The following STK26 variants were observed in gnomAD, a reference collection of about 807,000 sequenced individuals.
The protein encoded by STK26 is serine/threonine-protein kinase 26.
A neutral mutation model predicts 34.7 loss-of-function variants in STK26; 14 were observed. The ratio of observed to expected loss-of-function variants is 0.40; its 90% CI spans 0.27 to 0.63. The LOEUF is 0.63. STK26 is among the 30% of genes least tolerant of loss of function. The pLI is 0.38. For missense variants in STK26, 226 were observed against 309.1 expected (o/e 0.73, Z 2.02); for synonymous variants, 100 against 109.8 (o/e 0.91, Z 0.56).
rs182582615 is a variant in STK26 at position 132,058,208 on chromosome X, C to T, written c.273+3347C>T. 2.2e-3 allele frequency among the ~76,000 whole-genome samples: 247 copies of T among 110,057 alleles called. 1 individual carries two copies. The highest frequency in any genetic ancestry group is 7.8e-3 in the African/African-American group (234 of 30,103). ...TAGTTTTAGGTTCTCCTCCTAATTC[C>T]CATACAATTCCTTGGTGGTACATGT... On this transcript the variant is annotated intron_variant, in intron 3 of 11. Coordinates refer to ENST00000394334, the MANE Select transcript of STK26 (RefSeq NM_016542.4).
At chrX:132,071,714 A>G (rs1015610032) in intron 8 of STK26, among the ~76,000 whole-genome samples, 1 of 112,090 alleles carries the variant, frequency 8.9e-6, no homozygotes, top group Non-Finnish European at 1.9e-5. Flanking sequence ...CAGCGTTTAC[A>G]TTAAAAATTC....
chrX:132,068,650 T>C, intron 6 of STK26, 81 bp downstream of exon 6: 1 of 964,592 alleles, frequency 1.0e-6, no homozygotes, highest in Non-Finnish European at 1.4e-6. Context: ...TACACTGCCT[T>C]ATTTTTCCTT....
chrX:132,069,410 CAT>C (rs57609807), intron 6 of STK26, 66 bp from the exon 7 acceptor site: 4,827 of 92,255 alleles, frequency 0.052, 133 homozygotes, highest in Admixed American at 0.12. Flanking sequence ...CATACATACA[CAT>C]ATATATATAT....
intron 4 of STK26, among the ~76,000 whole-genome samples, chrX:132,067,238 T>C (rs186448955): frequency 2.6e-4 from 29 of 111,652 alleles, no homozygotes; most frequent in Non-Finnish European, 3.0e-4. Context: ...AATATGGCAT[T>C]CATGAAAGAT....
At chrX:132,036,644 A>G (rs1033323191) in intron 2 of STK26, among the ~76,000 whole-genome samples, 3 of 111,612 alleles carry the variant, frequency 2.7e-5, no homozygotes, top group Non-Finnish European at 5.6e-5. Context: ...TAGAATCCCT[A>G]AGCGACTTGC....
chrX:132,032,828 C>T (rs1380421978), intron 2 of STK26, among the ~76,000 whole-genome samples: 1 of 111,312 alleles, frequency 9.0e-6, no homozygotes, highest in African/African-American at 3.3e-5. Flanking sequence ...AATTTCTAAG[C>T]ATGCTAGTGA....
At chrX:132,074,020 T>C in intron 11 of STK26, 115 bp from the exon 12 acceptor site, 4 of 596,344 alleles carry the variant, frequency 6.7e-6, no homozygotes, top group Non-Finnish European at 1.0e-5. Context: ...TAAGATTCAA[T>C]AGAAACAATG....
At chrX:132,051,125 G>T (rs745400517) in intron 2 of STK26, among the ~76,000 whole-genome samples, 1 of 111,852 alleles carries the variant, frequency 8.9e-6, no homozygotes, top group African/African-American at 3.3e-5. Context: ...ATCCAAGAAG[G>T]CTTCTTCTAT....
chrX:132,065,381 G>A (rs1032145758), intron 4 of STK26, among the ~76,000 whole-genome samples: 3 of 111,054 alleles, frequency 2.7e-5, no homozygotes, highest in African/African-American at 9.8e-5. Context: ...GTCTTATCTG[G>A]TTCCTCAGGG....
chrX:132,059,950 C>G (rs1926992915), intron 3 of STK26, among the ~76,000 whole-genome samples: 1 of 111,750 alleles, frequency 8.9e-6, no homozygotes, highest in African/African-American at 3.3e-5. Context: ...TTGGAGTTCT[C>G]TTATAAAACT....
At chrX:132,040,312 T>A (rs1475583005) in intron 2 of STK26, among the ~76,000 whole-genome samples, 1 of 112,338 alleles carries the variant, frequency 8.9e-6, no homozygotes, top group Non-Finnish European at 1.9e-5. Flanking sequence ...GTTGTGGATA[T>A]AGTATGACAA....
intron 2 of STK26, among the ~76,000 whole-genome samples, chrX:132,032,117 C>G (rs773801211): frequency 8.9e-6 from 1 of 111,761 alleles, no homozygotes; most frequent in South Asian, 3.8e-4. Context: ...TAAAAACTCC[C>G]CCTCAGGCTT....
chrX:132,053,724 G>T (rs1173512596), intron 2 of STK26, among the ~76,000 whole-genome samples: 7 of 111,647 alleles, frequency 6.3e-5, no homozygotes, highest in Non-Finnish European at 1.1e-4. Context: ...TTTTGGCAGG[G>T]TTGGCAATCT....
intron 2 of STK26, among the ~76,000 whole-genome samples, chrX:132,051,968 GC>G (rs1437512059): frequency 9.1e-6 from 1 of 110,491 alleles, no homozygotes; most frequent in Admixed American, 9.7e-5. Flanking sequence ...GTGTATATGT[GC>G]CACATTTTCT....
At chrX:132,025,021 T>C (rs1203357512) in intron 2 of STK26, among the ~76,000 whole-genome samples, 1 of 111,161 alleles carries the variant, frequency 9.0e-6, no homozygotes, top group Admixed American at 9.6e-5. Context: ...CCTTAAACTT[T>C]CTTCCTCTCA....
At chrX:132,032,307 G>A (rs1301418830) in intron 2 of STK26, among the ~76,000 whole-genome samples, 1 of 112,016 alleles carries the variant, frequency 8.9e-6, no homozygotes, top group Non-Finnish European at 1.9e-5. Context: ...TACTTCCTGG[G>A]CCCCAGAGTA....
intron 4 of STK26, among the ~76,000 whole-genome samples, chrX:132,067,070 T>C (rs1168109697): frequency 8.9e-6 from 1 of 111,815 alleles, no homozygotes; most frequent in Non-Finnish European, 1.9e-5. Flanking sequence ...TGAAAGTAAG[T>C]AGATAATGTT....
chrX:132,071,380 CA>C (rs1318858855), intron 8 of STK26, among the ~76,000 whole-genome samples, 163 bp downstream of exon 8: 4 of 112,116 alleles, frequency 3.6e-5, no homozygotes, highest in African/African-American at 1.3e-4. Context: ...CTGTGGAATA[CA>C]ATGGAGTTGG....
chrX:132,070,791 G>A (rs1448558181), intron 7 of STK26, among the ~76,000 whole-genome samples: 2 of 112,731 alleles, frequency 1.8e-5, no homozygotes, highest in African/African-American at 6.4e-5. Context: ...CTCTGCTTTT[G>A]AGAAGGCCCT....
Sources: gnomAD v4.1 joint callset for allele counts (sites outside exome capture counted in the v4.1 genomes callset) on GRCh38, gnomAD v4.1.1 for gene constraint, MANE v1.5 for transcripts, NCBI Gene and HGNC (gene_info 2026-07-23, HGNC 2026-07-21) for gene names.